Variants in DOCK8 observed in about 807,000 individuals in gnomAD.
DOCK8 encodes the protein dedicator of cytokinesis protein 8.
A neutral mutation model predicts 245.6 loss-of-function variants in DOCK8; 141 were observed. The observed-to-expected ratio is 0.57, with a 90% CI of 0.50 to 0.66. DOCK8 has a LOEUF of 0.66. Among genes scored for constraint, DOCK8 ranks in the 30% least tolerant of loss-of-function variants. The probability of loss-of-function intolerance (pLI) is 0.00; values close to 1 mark genes in which losing one functional copy is unlikely to be tolerated. For missense variants in DOCK8, 2,965 were observed against 2,603.4 expected, an observed-to-expected ratio of 1.14 and a Z score of -3.02; for synonymous variants, 1,168 against 970.2, an observed-to-expected ratio of 1.20 and a Z score of -3.79.
intron 14 of DOCK8, among the ~76,000 whole-genome samples, chr9:355,620 A>G (rs760402457): frequency 3.5e-4 from 53 of 152,228 alleles, no homozygotes; most frequent in Non-Finnish European, 6.5e-4. Flanking sequence ...CACACTCCAA[A>G]GAAATAAGCC....
rs1364927312 is a variant in DOCK8 at position 323,088 on chromosome 9, C to T, written c.828-2583C>T. ...ACCCTGGGTGACAAGAGCAAAACTCCATCTCAAAAAAAAAAAAAAAGAAAG... is the reference window on the plus strand; with the variant it reads ...ACCCTGGGTGACAAGAGCAAAACTCTATCTCAAAAAAAAAAAAAAAGAAAG... On this transcript the variant is annotated intron_variant, in intron 7 of 47. Coordinates refer to ENST00000432829, the MANE Select transcript of DOCK8 (RefSeq NM_203447.4). Among the ~76,000 whole-genome samples, 7 of 117,546 alleles carry T rather than the reference C, an allele frequency of 6.0e-5. No homozygotes were observed. The East Asian group carries it at 1.1e-3, about 19-fold the overall frequency. 77.1% of individuals were successfully genotyped at this position (117,546 alleles called of 152,430 possible).
chr9:310,527 C>T lies in DOCK8; in HGVS notation c.529-1427C>T, dbSNP rs548363204. 7.2e-5 allele frequency among the ~76,000 whole-genome samples: 11 copies of T among 152,316 alleles called. No homozygotes were observed. In the South Asian group the frequency reaches 1.4e-3, roughly 20 times the overall value. ...AGGCTGGAGTACAGTGGCACCATCT[C>T]GGGTCATTACAACCTCCACCTCCCG... is the stretch of plus-strand genomic sequence containing the variant. On this transcript the variant is annotated intron_variant, in intron 5 of 47. Coordinates refer to ENST00000432829, the MANE Select transcript of DOCK8 (RefSeq NM_203447.4).
At chr9:435,098 G>T in intron 39 of DOCK8, 123 bp downstream of exon 39, 1 of 1,130,002 alleles carries the variant, frequency 8.8e-7, no homozygotes, top group Non-Finnish European at 1.3e-6. Flanking sequence ...TGGGATGGGT[G>T]AGTAGGTGCT....
At chr9:239,725 T>G (rs2047337505) in intron 1 of DOCK8, among the ~76,000 whole-genome samples, 1 of 152,322 alleles carries the variant, frequency 6.6e-6, no homozygotes, top group East Asian at 1.9e-4. Context: ...TTAATCATTT[T>G]AACAGCTTGA....
At chr9:230,527 AGT>A (rs1159689944) in intron 1 of DOCK8, among the ~76,000 whole-genome samples, 41 of 152,210 alleles carry the variant, frequency 2.7e-4, no homozygotes, top group African/African-American at 9.2e-4. Flanking sequence ...ACAGTGTAAA[AGT>A]GTTCCTATTT....
chr9:400,892 ACCTCCCCCACTACCAACAGCTCCT>A (rs2054991100), intron 26 of DOCK8, among the ~76,000 whole-genome samples: 6 of 87,046 alleles, frequency 6.9e-5, no homozygotes, highest in Admixed American at 2.2e-4. Context: ...CACCACCACC[ACCTCCCCCACTACCAACAGCTCCT>A]TCACCATCAC....
intron 7 of DOCK8, among the ~76,000 whole-genome samples, chr9:322,562 G>A (rs1051940565): frequency 1.3e-5 from 2 of 151,448 alleles, no homozygotes; most frequent in Non-Finnish European, 2.9e-5. Flanking sequence ...GATAATATCT[G>A]CATTACGCTG....
rs1473698193 is a variant in DOCK8, at chr9:400,898, C to T, written c.3234+1639C>T. On this transcript the variant is annotated intron_variant, in intron 26 of 47. Coordinates refer to ENST00000432829, the MANE Select transcript of DOCK8 (RefSeq NM_203447.4). Reference sequence around the variant, plus strand: ...CACCACCTCCACCACCACCACCTCCCCCACTACCAACAGCTCCTTCACCAT... The same window carrying T: ...CACCACCTCCACCACCACCACCTCCTCCACTACCAACAGCTCCTTCACCAT... Among the ~76,000 whole-genome samples, 61 of 43,162 alleles carry T rather than the reference C, an allele frequency of 1.4e-3. 1 individual carries two copies. The highest frequency in any genetic ancestry group is 1.3e-3 in the Non-Finnish European group (36 of 27,070). 28.3% of individuals were successfully genotyped at this position (43,162 alleles called of 152,430 possible).
chr9:305,747 A>G (rs1175335986), intron 5 of DOCK8, among the ~76,000 whole-genome samples: 1 of 152,252 alleles, frequency 6.6e-6, no homozygotes, highest in East Asian at 1.9e-4. Context: ...ACAGAAAGAA[A>G]GCAAGCCTTC....
At chr9:432,014 T>G (rs928517372) in intron 36 of DOCK8, 152 bp from the exon 37 acceptor site, 11 of 756,714 alleles carry the variant, frequency 1.5e-5, no homozygotes, top group Non-Finnish European at 4.4e-6. Flanking sequence ...GTGCAAAGTG[T>G]AGCTCCCATT....
intron 29 of DOCK8, among the ~76,000 whole-genome samples, chr9:415,514 G>C (rs2055954623): frequency 6.6e-6 from 1 of 152,074 alleles, no homozygotes; most frequent in Non-Finnish European, 1.5e-5. Flanking sequence ...AGGATAAGTT[G>C]TCTTAAAGGG....
chr9:337,177 C>T (rs1301432324), intron 12 of DOCK8, among the ~76,000 whole-genome samples: 1 of 152,150 alleles, frequency 6.6e-6, no homozygotes, highest in Admixed American at 6.5e-5. Flanking sequence ...CCCAACACTG[C>T]CACCATGGGG....
intron 14 of DOCK8, among the ~76,000 whole-genome samples, chr9:357,566 G>A (rs968754315): frequency 2.7e-5 from 4 of 150,148 alleles, no homozygotes; most frequent in African/African-American, 1.0e-4. Context: ...TTATTGTAGA[G>A]TTTTTAAACA....
At chr9:417,566 T>G (rs2056082709) in intron 29 of DOCK8, among the ~76,000 whole-genome samples, 1 of 152,228 alleles carries the variant, frequency 6.6e-6, no homozygotes, top group Admixed American at 6.5e-5. Flanking sequence ...ATCGTTTTTT[T>G]GCTTGCATAC....
intron 1 of DOCK8, among the ~76,000 whole-genome samples, chr9:242,559 C>T (rs768716473): frequency 9.2e-5 from 14 of 152,098 alleles, no homozygotes; most frequent in Non-Finnish European, 1.6e-4. Context: ...TTGTATAAGT[C>T]TTGTAATAGC....
intron 1 of DOCK8, among the ~76,000 whole-genome samples, chr9:248,395 C>A (rs1481352978): frequency 6.6e-6 from 1 of 152,140 alleles, no homozygotes; most frequent in Non-Finnish European, 1.5e-5. Context: ...ACACCATTTG[C>A]CTATGTCAAG....
At chr9:315,078 A>C (rs1312514049) in intron 6 of DOCK8, among the ~76,000 whole-genome samples, 1 of 152,186 alleles carries the variant, frequency 6.6e-6, no homozygotes, top group Non-Finnish European at 1.5e-5. Flanking sequence ...AAGTGACAGA[A>C]CCCAACTAAA....
At chr9:359,900 A>G (rs558941861) in intron 14 of DOCK8, among the ~76,000 whole-genome samples, 21 of 152,298 alleles carry the variant, frequency 1.4e-4, no homozygotes, top group Non-Finnish European at 2.8e-4. Context: ...TTTGGCTGAA[A>G]GAGCTTATTT....
At chr9:434,103 A>G (rs2056813236) in intron 38 of DOCK8, 128 bp downstream of exon 38, 2 of 725,690 alleles carry the variant, frequency 2.8e-6, no homozygotes, top group African/African-American at 3.5e-5. Flanking sequence ...CAAATAATAT[A>G]TAGAAATTAA....
Sources: allele counts gnomAD v4.1 joint callset (sites outside exome capture counted in the v4.1 genomes callset), GRCh38; gene constraint gnomAD v4.1.1; transcripts MANE v1.5; gene names NCBI Gene and HGNC (gene_info 2026-07-23, HGNC 2026-07-21).